Variants in DDX60L observed in about 807,000 individuals in gnomAD.
DDX60L encodes the protein probable ATP-dependent RNA helicase DDX60-like.
In DDX60L, 191 loss-of-function variants were observed where a neutral mutation model predicts 211.6. The ratio of observed to expected loss-of-function variants is 0.90; its 90% confidence interval spans 0.80 to 1.02. DDX60L has a LOEUF of 1.02. Among genes scored for constraint, DDX60L ranks in the 50% least tolerant of loss-of-function variants. The pLI is 0.00. For synonymous variants in DDX60L, 706 were observed against 694.1 expected, an observed-to-expected ratio of 1.02 and a Z score of -0.27; for missense variants, 2,007 against 1,984.1, an observed-to-expected ratio of 1.01 and a Z score of -0.22.
chr4:168,371,033 C>T lies in DDX60L; in HGVS notation c.4928+579G>A, dbSNP rs1268311994. 2.0e-5 allele frequency among the ~76,000 whole-genome samples: 3 copies of T among 151,274 alleles called. No individual in the cohort carries two copies. In the East Asian group the frequency reaches 5.8e-4, roughly 29 times the overall value. On this transcript the variant is annotated intron_variant, in intron 36 of 37. Transcript: ENST00000682922. ...ACTTTCAGATCTTTTCCCTCCATGT[C>T]ACATTTGTGGGAAAAAAATAAATAT... is the stretch of plus-strand genomic sequence containing the variant.
chr4:168,358,560 C>T (rs375308778), intron 37 of DDX60L, among the ~76,000 whole-genome samples: 1 of 130,972 alleles, frequency 7.6e-6, no homozygotes, highest in Non-Finnish European at 1.6e-5. Context: ...CAGAGTCTCG[C>T]TCTGTTGCCC....
chr4:168,449,169 C>T (rs1300480459), intron 8 of DDX60L, among the ~76,000 whole-genome samples: 2 of 152,064 alleles, frequency 1.3e-5, no homozygotes, highest in Admixed American at 1.3e-4. Flanking sequence ...CACCTACCCC[C>T]ACTACACCCC....
intron 33 of DDX60L, among the ~76,000 whole-genome samples, chr4:168,376,887 A>G (rs1560943756): frequency 6.6e-6 from 1 of 152,222 alleles, no homozygotes; most frequent in Admixed American, 6.5e-5. Flanking sequence ...ATCTTTGCTA[A>G]TTGACTAATA....
Sources: allele counts gnomAD v4.1 joint callset (sites outside exome capture counted in the v4.1 genomes callset), GRCh38; gene constraint gnomAD v4.1.1; transcripts MANE v1.5; gene names NCBI Gene and HGNC (gene_info 2026-07-23, HGNC 2026-07-21).